Variants in DCLRE1C observed in about 807,000 individuals in gnomAD.
DCLRE1C encodes DNA cross-link repair 1C.
In DCLRE1C, 47 loss-of-function variants were observed where a neutral mutation model predicts 61.4. The ratio of observed to expected loss-of-function variants is 0.77; its 90% CI spans 0.61 to 0.98. DCLRE1C has a LOEUF of 0.98. DCLRE1C is among the 50% of genes least tolerant of loss of function. The pLI is 0.00. For synonymous variants in DCLRE1C, 337 were observed against 287.6 expected (o/e 1.17, Z -1.74); for missense variants, 858 against 816.0 (o/e 1.05, Z -0.63).
Position 14,907,292 on chromosome 10 carries a change from T to C in DCLRE1C, c.*1116A>G, listed in dbSNP as rs1273847138. Among the ~76,000 whole-genome samples the C allele has an allele frequency of 6.6e-6, 1 of 150,680 alleles. No individual in the cohort carries two copies. The highest frequency in any genetic ancestry group is 1.5e-5 in the Non-Finnish European group (1 of 67,814). ...TTTGTCTATAGCCATCAGTTTATCA[T>C]ACTAGATCCAAGTTTGTCAATTTAA... On this transcript the variant is annotated 3_prime_UTR_variant, in exon 14 of 14. Transcript: ENST00000378278.
rs1416569463 is a variant in DCLRE1C at position 14,923,084 on chromosome 10, A to G, written c.973-15T>C. Reference sequence around the variant, plus strand: ...AAATCTTTAATCTAGAAAAAGGAAAATCACATGGATCAACAATCTCTACGA... The same window carrying G: ...AAATCTTTAATCTAGAAAAAGGAAAGTCACATGGATCAACAATCTCTACGA... On this transcript the variant is annotated splice_polypyrimidine_tract_variant and intron_variant, in intron 11 of 13. Coordinates refer to ENST00000378278, the MANE Select transcript of DCLRE1C (RefSeq NM_001033855.3). 1.3e-6 allele frequency: 2 copies of G among 1,571,878 alleles called. No homozygotes were observed. The highest frequency in any genetic ancestry group is 1.1e-5 in the South Asian group (1 of 90,208).
chr10:14,898,981 C>A, exon 14 of DCLRE1C: 1 of 483,964 alleles, frequency 2.1e-6, no homozygotes, highest in Non-Finnish European at 3.7e-6. Context: ...TTTTGAACAT[C>A]CTAATTATAA....
At chr10:14,904,465 T>C (rs1564350691), downstream of DCLRE1C, 1 of 152,092 alleles carries the variant, frequency 6.6e-6, no homozygotes, top group East Asian at 1.9e-4. Flanking sequence ...GGCCATACTT[T>C]GAATTGTGAT....
chr10:14,953,872 G>C (rs757690608), intron 1 of DCLRE1C, 30 bp downstream of exon 1: 3 of 1,613,006 alleles, frequency 1.9e-6, no homozygotes, highest in South Asian at 2.2e-5. Flanking sequence ...CCAGCGCCCC[G>C]GGAGCGGGCG....
At chr10:14,919,906 C>A in intron 12 of DCLRE1C, 74 bp from the exon 13 acceptor site, 13 of 1,253,182 alleles carry the variant, frequency 1.0e-5, no homozygotes, top group Non-Finnish European at 1.4e-5. Flanking sequence ...GATAGTATTA[C>A]AAATTTTTTT....
chr10:14,913,420 A>T lies in DCLRE1C; in HGVS notation c.1157-4090T>A, dbSNP rs187510585. 1.5e-4 allele frequency among the ~76,000 whole-genome samples: 23 copies of T among 152,364 alleles called. No individual in the cohort carries two copies. In the East Asian group the frequency reaches 4.4e-3, roughly 29 times the overall value. ...TATACTTCAATAAAGCTTAAAAAAT[A>T]ATTTTGTATTGTGGAGTTTATAAAG... On this transcript the variant is annotated intron_variant, in intron 13 of 13. Coordinates refer to ENST00000378278, the MANE Select transcript of DCLRE1C (RefSeq NM_001033855.3).
At position 14,906,212 on chromosome 10, in the gene DCLRE1C, G is replaced by C. The variant is rs1214854025; in HGVS notation, c.*2196C>G. On this transcript the variant is annotated 3_prime_UTR_variant, in exon 14 of 14. Coordinates refer to ENST00000378278, the MANE Select transcript of DCLRE1C (RefSeq NM_001033855.3). The stretch of plus-strand genomic sequence containing the variant: ...CTGTGCCTTTGTCTCATTTGTACAT[G>C]GGGATTAGAAATGTATCTACCTCAA... 6.6e-6 allele frequency among the ~76,000 whole-genome samples: 1 copy of C among 152,136 alleles called. No homozygotes were observed. Among genetic ancestry groups the C allele is most frequent in the Non-Finnish European group, 1.5e-5 (1 of 68,028 alleles).
intron 13 of DCLRE1C, chr10:14,899,379 C>T (rs887666815): frequency 2.6e-6 from 2 of 778,302 alleles, no homozygotes; most frequent in Non-Finnish European, 4.2e-6. Flanking sequence ...TTTCCCACCT[C>T]TTTGCATCTG....
At position 14,905,702 on chromosome 10, in the gene DCLRE1C, C is replaced by T. The variant is rs1330646423; in HGVS notation, c.*2706G>A. Among the ~76,000 whole-genome samples, 1 of 152,148 alleles carries T rather than the reference C, an allele frequency of 6.6e-6. No individual in the cohort carries two copies. Among genetic ancestry groups the T allele is most frequent in the Non-Finnish European group, 1.5e-5 (1 of 68,018 alleles). ...CTTGGCATTTTGAAACTTCATGTTTCGGCTGGACACGGTAGCTGACGCCTG... is the reference window on the plus strand; with the variant it reads ...CTTGGCATTTTGAAACTTCATGTTTTGGCTGGACACGGTAGCTGACGCCTG... On this transcript the variant is annotated 3_prime_UTR_variant, in exon 14 of 14. Transcript: ENST00000378278.
chr10:14,918,034 A>G (rs555250323), intron 13 of DCLRE1C, among the ~76,000 whole-genome samples: 1 of 152,364 alleles, frequency 6.6e-6, no homozygotes, highest in East Asian at 1.9e-4. Context: ...AACGATGTGG[A>G]GCAACTGAAC....
intron 1 of DCLRE1C, 123 bp from the exon 2 acceptor site, chr10:14,949,210 T>A: frequency 1.4e-6 from 1 of 703,156 alleles, no homozygotes; most frequent in South Asian, 1.6e-5. Context: ...TTTATAAGAA[T>A]TGATTCACAT....
intron 13 of DCLRE1C, among the ~76,000 whole-genome samples, chr10:14,917,212 T>C (rs1836341945): frequency 6.6e-6 from 1 of 152,140 alleles, no homozygotes; most frequent in East Asian, 1.9e-4. Flanking sequence ...ACACACAAAA[T>C]TACCTGGGAT....
intron 13 of DCLRE1C, among the ~76,000 whole-genome samples, chr10:14,915,639 TA>T (rs561053229): frequency 7.0e-4 from 100 of 142,748 alleles, no homozygotes; most frequent in Admixed American, 7.7e-4. Context: ...CATTTGTAGT[TA>T]AAAAAAAAAA....
chr10:14,918,143 G>T (rs1315386373), intron 13 of DCLRE1C, among the ~76,000 whole-genome samples: 3 of 152,126 alleles, frequency 2.0e-5, no homozygotes, highest in African/African-American at 7.2e-5. Flanking sequence ...CCCATTCTTA[G>T]GTGTGAAAGC....
At chr10:14,936,398 T>G in intron 5 of DCLRE1C, 140 bp downstream of exon 5, 1 of 576,278 alleles carries the variant, frequency 1.7e-6, no homozygotes, top group Non-Finnish European at 3.2e-6. Flanking sequence ...TCCTCCCGCG[T>G]CAGCCTCCCA....
chr10:14,941,805 G>A (rs1488339712), intron 3 of DCLRE1C, among the ~76,000 whole-genome samples: 6 of 151,992 alleles, frequency 3.9e-5, no homozygotes, highest in Non-Finnish European at 8.8e-5. Context: ...TCTTCCTTGG[G>A]TTTAAAGTTC....
chr10:14,923,118 G>T (rs1837392554), intron 11 of DCLRE1C, 49 bp from the exon 12 acceptor site: 2 of 1,397,996 alleles, frequency 1.4e-6, no homozygotes, highest in Non-Finnish European at 1.0e-6. Flanking sequence ...GATGAAACAG[G>T]TTGTTAGGGG....
rs1834502712 is a variant in DCLRE1C, at chr10:14,907,423, T to C, written c.*985A>G. Among the ~76,000 whole-genome samples the C allele has an allele frequency of 6.6e-6, 1 of 151,924 alleles. No individual in the cohort carries two copies. The highest frequency in any genetic ancestry group is 2.4e-5 in the African/African-American group (1 of 41,342). Reference sequence around the variant, plus strand: ...GGTGGTGTGTTCTATAAATGTCAATTTAATCCAGTCGGCTTATGATTTTCA... The same window carrying C: ...GGTGGTGTGTTCTATAAATGTCAATCTAATCCAGTCGGCTTATGATTTTCA... On this transcript the variant is annotated 3_prime_UTR_variant, in exon 14 of 14. Coordinates refer to ENST00000378278, the MANE Select transcript of DCLRE1C (RefSeq NM_001033855.3).
intron 13 of DCLRE1C, among the ~76,000 whole-genome samples, chr10:14,918,346 T>C (rs1052390962): frequency 9.2e-5 from 14 of 152,214 alleles, no homozygotes; most frequent in Non-Finnish European, 1.8e-4. Context: ...TGAATGAATC[T>C]CTGATGCACT....
Sources: allele counts gnomAD v4.1 joint callset (sites outside exome capture counted in the v4.1 genomes callset), GRCh38; gene constraint gnomAD v4.1.1; transcripts MANE v1.5; gene names NCBI Gene and HGNC (gene_info 2026-07-23, HGNC 2026-07-21).